Variants in STX18 observed in about 807,000 individuals in gnomAD.
STX18 encodes syntaxin 18.
In STX18, 40 loss-of-function variants were observed where a neutral mutation model predicts 50.1. That is an observed-to-expected ratio of 0.80 (90% CI 0.62 to 1.04). The LOEUF (loss-of-function observed/expected upper bound fraction) is 1.04, where lower values mean the gene tolerates loss of function less well. STX18 is among the 50% of genes least tolerant of loss of function. STX18 has a pLI of 0.00. For missense variants in STX18, 410 were observed against 415.8 expected (o/e 0.99, Z 0.12); for synonymous variants, 158 against 151.8 (o/e 1.04, Z -0.30).
At chr4:4,427,151 A>T (rs184823313) in intron 7 of STX18, among the ~76,000 whole-genome samples, 55 of 152,284 alleles carry the variant, frequency 3.6e-4, no homozygotes, top group East Asian at 2.9e-3. Context: ...GGCCTCACAC[A>T]TGACAGAACA....
intron 1 of STX18, among the ~76,000 whole-genome samples, chr4:4,539,417 A>G (rs994088286): frequency 6.6e-6 from 1 of 152,262 alleles, no homozygotes; most frequent in East Asian, 1.9e-4. Context: ...CAGGACATCC[A>G]TCACTAGCTC....
chr4:4,457,694 C>A (rs979799296), intron 3 of STX18, among the ~76,000 whole-genome samples, 194 bp from the exon 4 acceptor site: 2 of 152,148 alleles, frequency 1.3e-5, no homozygotes, highest in Non-Finnish European at 2.9e-5. Context: ...AAAGATTAAA[C>A]CTGTAGAAAA....
At position 4,423,581 on chromosome 4, in the gene STX18, G is replaced by C. The variant is rs746484842; in HGVS notation, c.768C>G (p.Ile256Met). 1 of 1,613,920 alleles carries C rather than the reference G, an allele frequency of 6.2e-7. No individual in the cohort carries two copies. The highest frequency in any genetic ancestry group is 1.3e-5 in the African/African-American group (1 of 74,880). ...TGGAAATCTCAACCACTCTCCCTTC[G>C]ATTTGCCTTCATAAAAAGAACAGAT... ...MNSLFDEVRQ[I>M]EGRVVEISRL... Residue 256 changes from isoleucine to methionine, a missense_variant, in exon 9 of 11, where the codon ATC becomes ATG. Transcript: ENST00000306200.
intron 1 of STX18, among the ~76,000 whole-genome samples, chr4:4,482,756 C>T (rs1728523680): frequency 6.6e-6 from 1 of 152,180 alleles, no homozygotes; most frequent in South Asian, 2.1e-4. Flanking sequence ...AAATTGCAGG[C>T]CCAAGGAGGC....
chr4:4,476,141 T>C (rs533362319), intron 1 of STX18: 1 of 152,306 alleles, frequency 6.6e-6, no homozygotes, highest in East Asian at 1.9e-4. Flanking sequence ...ATCAGACTGA[T>C]GGTCTATCAT....
At chr4:4,493,289 C>T (rs912615513) in intron 1 of STX18, among the ~76,000 whole-genome samples, 2 of 151,674 alleles carry the variant, frequency 1.3e-5, no homozygotes, top group Admixed American at 6.6e-5. Context: ...CCAACCCCCC[C>T]GCCCCCTCCA....
chr4:4,496,035 A>G (rs1160792775), intron 1 of STX18, among the ~76,000 whole-genome samples: 1 of 152,212 alleles, frequency 6.6e-6, no homozygotes, highest in Non-Finnish European at 1.5e-5. Flanking sequence ...ACCTTCATTA[A>G]GACACGTTAA....
chr4:4,539,635 G>A (rs894458941), intron 1 of STX18, among the ~76,000 whole-genome samples: 2 of 152,190 alleles, frequency 1.3e-5, no homozygotes, highest in African/African-American at 4.8e-5. Context: ...ATACATAGCA[G>A]AACTGCAAGT....
intron 1 of STX18, among the ~76,000 whole-genome samples, chr4:4,477,645 G>T (rs1728254672): frequency 6.6e-6 from 1 of 152,114 alleles, no homozygotes; most frequent in Non-Finnish European, 1.5e-5. Context: ...TTGAAGCCTG[G>T]ATCCAATCCA....
At chr4:4,503,119 G>C (rs924287204) in intron 1 of STX18, among the ~76,000 whole-genome samples, 1 of 152,150 alleles carries the variant, frequency 6.6e-6, no homozygotes, top group African/African-American at 2.4e-5. Flanking sequence ...AAAAGTTAAT[G>C]ACAGTTTCGG....
intron 1 of STX18, among the ~76,000 whole-genome samples, chr4:4,516,482 CT>C (rs1202850449): frequency 3.3e-5 from 5 of 152,062 alleles, no homozygotes; most frequent in Admixed American, 1.3e-4. Context: ...AAAATTATGC[CT>C]CTTTTCCGAC....
intron 1 of STX18, among the ~76,000 whole-genome samples, chr4:4,526,258 A>T (rs1730750370): frequency 6.6e-6 from 1 of 152,182 alleles, no homozygotes; most frequent in Admixed American, 6.5e-5. Context: ...CTCCTATGGT[A>T]GCAGCAGAAT....
chr4:4,476,771 G>A (rs114948602), intron 1 of STX18, among the ~76,000 whole-genome samples: 15 of 152,268 alleles, frequency 9.9e-5, no homozygotes, highest in Non-Finnish European at 2.1e-4. Context: ...CAATAAGACA[G>A]GGGGAGGTAA....
intron 1 of STX18, among the ~76,000 whole-genome samples, chr4:4,485,568 CGCAGGCAGTAA>C (rs963990162): frequency 3.3e-5 from 5 of 152,078 alleles, no homozygotes; most frequent in African/African-American, 1.2e-4. Context: ...ATGCTAGACT[CGCAGGCAGTAA>C]GCAAGATACT....
intron 9 of STX18, among the ~76,000 whole-genome samples, chr4:4,422,779 GA>G (rs1472739550): frequency 6.6e-6 from 1 of 152,100 alleles, no homozygotes; most frequent in Non-Finnish European, 1.5e-5. Context: ...CATTTACAAT[GA>G]TTTCACTCTG....
chr4:4,498,453 T>C (rs991669033), intron 1 of STX18, among the ~76,000 whole-genome samples: 3 of 152,204 alleles, frequency 2.0e-5, no homozygotes, highest in African/African-American at 7.2e-5. Flanking sequence ...TTTTGTTTGT[T>C]TTGTATCTTC....
chr4:4,420,983 A>T lies in STX18; in HGVS notation c.832-39T>A, dbSNP rs746198407. 2.5e-6 allele frequency: 4 copies of T among 1,603,870 alleles called. No homozygotes were observed. Among genetic ancestry groups the T allele is most frequent in the Non-Finnish European group, 3.4e-6 (4 of 1,171,578 alleles). ...GATAAATACAAGTTGAGTATCCTTTATCCAAAAACCTGAAACCCAAAATGC... is the reference window on the plus strand; with the variant it reads ...GATAAATACAAGTTGAGTATCCTTTTTCCAAAAACCTGAAACCCAAAATGC... On this transcript the variant is annotated intron_variant, in intron 9 of 10. Coordinates refer to ENST00000306200, the MANE Select transcript of STX18 (RefSeq NM_016930.4). This position sits in a 1 kb window ranked among gnomAD's most constrained non-coding sequence, Gnocchi z 4.3.
chr4:4,525,589 T>G (rs1730712858), intron 1 of STX18, among the ~76,000 whole-genome samples: 1 of 152,128 alleles, frequency 6.6e-6, no homozygotes, highest in Admixed American at 6.5e-5. Flanking sequence ...GAAGATATGG[T>G]GTCTGTTCTG....
intron 1 of STX18, among the ~76,000 whole-genome samples, chr4:4,495,919 A>G (rs1424590420): frequency 6.6e-6 from 1 of 152,150 alleles, no homozygotes; most frequent in East Asian, 1.9e-4. Context: ...AGGCTCTAAA[A>G]ATTATTCATG....
Sources: gnomAD v4.1 joint callset for allele counts (sites outside exome capture counted in the v4.1 genomes callset) on GRCh38, gnomAD v4.1.1 for gene constraint, Gnocchi (gnomAD v3.1) non-coding constraint, MANE v1.5 for transcripts, NCBI Gene and HGNC (gene_info 2026-07-23, HGNC 2026-07-21) for gene names.